WARS1: variants seen among roughly 807,000 people sequenced by gnomAD.
WARS1 encodes tryptophanyl-tRNA synthetase 1.
Under a neutral mutation model 47.8 loss-of-function variants are expected in WARS1, and 17 were observed. The ratio of observed to expected loss-of-function variants is 0.36; its 90% CI spans 0.24 to 0.53. The LOEUF (loss-of-function observed/expected upper bound fraction) is 0.53, where lower values mean the gene tolerates loss of function less well. WARS1 is among the 20% of genes least tolerant of loss of function. The pLI is 0.91. For synonymous variants in WARS1, 208 were observed against 228.1 expected (o/e 0.91, Z 0.79); for missense variants, 434 against 608.0 (o/e 0.71, Z 3.01).
intron 10 of WARS1, among the ~76,000 whole-genome samples, chr14:100,336,044 G>C (rs1037658427): frequency 1.3e-5 from 2 of 151,848 alleles, no homozygotes; most frequent in African/African-American, 4.8e-5. Flanking sequence ...GGGAGGCCAA[G>C]GCGGGTGGAT....
At position 100,361,760 on chromosome 14, in the gene WARS1, T is replaced by C. The variant is rs768803049; in HGVS notation, c.261A>G (p.Pro87=). 3 of 1,614,152 alleles carry C rather than the reference T, an allele frequency of 1.9e-6. No individual in the cohort carries two copies. Among genetic ancestry groups the C allele is most frequent in the South Asian group, 2.2e-5 (2 of 91,086 alleles). The change falls in exon 3 of 11, where the codon CCA becomes CCG. Residue 87 remains proline, a synonymous_variant. Coordinates refer to ENST00000392882, the MANE Select transcript of WARS1 (RefSeq NM_004184.4). ...ATEAEEDFVD[P]WTVQTSSAKG... is the part of the protein sequence containing the mutation. ...TTGCACTGCTTGTCTGTACTGTCCA[T>C]GGGTCCACAAAATCCTCTTCAGCTT...
chr14:100,354,324 C>A (rs937886126), intron 5 of WARS1, 123 bp downstream of exon 5: 1 of 1,433,766 alleles, frequency 7.0e-7, no homozygotes, highest in Non-Finnish European at 9.3e-7. Flanking sequence ...AAAGTGCCAA[C>A]TCTTGACATC....
In WARS1 at chr14:100,361,824, T is replaced by A. The variant is rs750678493; in HGVS notation, c.197A>T (p.Asn66Ile). ...EDYKADCPPG[N>I]PAPTSNHGPD... ...GCCATGATTACTGGTAGGTGCTGGG[T>A]TCCCTGGAGGACAGTCAGCCTTGTA... The change falls in exon 3 of 11, where the codon AAC (asparagine) becomes ATC (isoleucine). Residue 66 changes from asparagine (N) to isoleucine (I), a missense_variant. By Grantham distance (149) the Asn-to-Ile change is moderately radical. Around this residue, in one of 2 missense-constraint regions of WARS1, gnomAD observed 87 missense variants for 84.2 expected, o/e 1.03. Coordinates refer to ENST00000392882, the MANE Select transcript of WARS1 (RefSeq NM_004184.4). 6.2e-7 allele frequency: 1 copy of A among 1,614,200 alleles called. No individual in the cohort carries two copies. The highest frequency in any genetic ancestry group is 1.1e-5 in the South Asian group (1 of 91,088).
chr14:100,366,200 TTC>T (rs1195646205), intron 2 of WARS1: 1 of 432,978 alleles, frequency 2.3e-6, no homozygotes. Flanking sequence ...AGCCCAGCCC[TTC>T]TCTCCCACTC....
At chr14:100,374,263 A>G (rs1349384737) in intron 1 of WARS1, 1 of 152,202 alleles carries the variant, frequency 6.6e-6, no homozygotes, top group African/African-American at 2.4e-5. Flanking sequence ...CAAATAGTAC[A>G]CTCTGAAACA....
At chr14:100,340,707 GA>G (rs1254122178) in intron 9 of WARS1, among the ~76,000 whole-genome samples, 1 of 152,068 alleles carries the variant, frequency 6.6e-6, no homozygotes, top group Non-Finnish European at 1.5e-5. Flanking sequence ...TGGAGATTCT[GA>G]TTTTGGAGCT....
chr14:100,345,006 T>A (rs1465606949), intron 7 of WARS1, among the ~76,000 whole-genome samples: 1 of 135,432 alleles, frequency 7.4e-6, no homozygotes, highest in South Asian at 2.5e-4. Flanking sequence ...AGTGGGGGGG[T>A]CAGCCCCCCG....
At chr14:100,338,153 T>C (rs1269587846) in intron 9 of WARS1, among the ~76,000 whole-genome samples, 1 of 152,078 alleles carries the variant, frequency 6.6e-6, no homozygotes, top group Non-Finnish European at 1.5e-5. Context: ...AGAAACACAA[T>C]GACTTTTAGG....
chr14:100,369,115 C>T lies in WARS1; in HGVS notation c.71G>A (p.Arg24Lys), dbSNP rs373707656. 11 of 1,569,784 alleles carry T rather than the reference C, an allele frequency of 7.0e-6. No individual in the cohort carries two copies. Among genetic ancestry groups the T allele is most frequent in the East Asian group, 2.3e-5 (1 of 43,146 alleles). ...NSIATQGELVRSLKAGNASKD... is the reference protein window; with the variant it reads ...NSIATQGELVKSLKAGNASKD... The stretch of plus-strand genomic sequence containing the variant: ...TGACGCATTTCCCGCTTTGAGGGAC[C>T]TTACGAGCTCCCCTTGTGTGGCGAT... The change falls in exon 2 of 11, where the codon AGG (arginine) becomes AAG (lysine). Residue 24 changes from arginine to lysine, a missense_variant. Physicochemically the swap from Arg to Lys is conservative, Grantham distance 26. Around this residue, in one of 2 missense-constraint regions of WARS1, gnomAD observed 87 missense variants for 84.2 expected, o/e 1.03. Transcript: ENST00000392882.
chr14:100,339,922 C>T (rs1595406738), intron 9 of WARS1: 1 of 152,372 alleles, frequency 6.6e-6, no homozygotes, highest in South Asian at 2.1e-4. Context: ...GCTGGCGTCA[C>T]CACCACCTGC....
At chr14:100,359,469 A>G (rs1422792612) in intron 4 of WARS1, among the ~76,000 whole-genome samples, 1 of 152,238 alleles carries the variant, frequency 6.6e-6, no homozygotes, top group Non-Finnish European at 1.5e-5. Context: ...AAATCTAGAT[A>G]TAGAGAAAGC....
chr14:100,337,700 A>AG (rs1893842166), intron 9 of WARS1, among the ~76,000 whole-genome samples: 1 of 150,922 alleles, frequency 6.6e-6, no homozygotes. Context: ...AAAAAAAAAA[A>AG]AAAAAGGAAT....
rs559042670 is a variant in WARS1 at position 100,346,453 on chromosome 14, G to A, written c.826+293C>T. ...CCACCAGAGCTGTTGGAACTCCAAA[G>A]TCATCCTTAGATTTTTCTTTCTTCT... On this transcript the variant is annotated intron_variant, in intron 7 of 10. Transcript: ENST00000392882. Among the ~76,000 whole-genome samples, 17 of 152,318 alleles carry A rather than the reference G, an allele frequency of 1.1e-4. No individual in the cohort carries two copies. The South Asian group carries it at 3.1e-3, about 28-fold the overall frequency.
chr14:100,352,702 AGAGACCACGCCTTAGGG>A (rs1895074993), intron 6 of WARS1, among the ~76,000 whole-genome samples: 1 of 152,072 alleles, frequency 6.6e-6, no homozygotes, highest in Admixed American at 6.5e-5. Flanking sequence ...ATGCCTTAGG[AGAGACCACGCCTTAGGG>A]GAGTACTATG....
chr14:100,343,368 G>T lies in WARS1; in HGVS notation c.846C>A (p.Ala282=). 1 of 1,612,804 alleles carries T rather than the reference G, an allele frequency of 6.2e-7. No homozygotes were observed. The highest frequency in any genetic ancestry group is 1.1e-5 in the South Asian group (1 of 90,990). The change falls in exon 8 of 11, where the codon GCC becomes GCA. Residue 282 remains alanine, a synonymous_variant. Coordinates refer to ENST00000392882, the MANE Select transcript of WARS1 (RefSeq NM_004184.4). ...SDCIGKISFP[A]IQAAPSFSNS... is the part of the protein sequence containing the mutation. ...TGCTGAAGGAGGGAGCAGCCTGGAT[G>T]GCAGGAAAACTGATCTTCCCTGAAA... is the stretch of plus-strand genomic sequence containing the variant.
At chr14:100,359,516 G>A (rs1488273016) in intron 4 of WARS1, among the ~76,000 whole-genome samples, 1 of 152,172 alleles carries the variant, frequency 6.6e-6, no homozygotes, top group Non-Finnish European at 1.5e-5. Context: ...AGAAATGGGG[G>A]ATGACTGTTA....
At chr14:100,374,329 C>T (rs913927380) in intron 1 of WARS1, 6 of 152,132 alleles carry the variant, frequency 3.9e-5, no homozygotes, top group Admixed American at 3.9e-4. Context: ...AACAAAAGTA[C>T]TGGGCGTGTA....
At position 100,373,296 on chromosome 14, in the gene WARS1, C is replaced by T. The variant is rs750088963; in HGVS notation, c.-74+1987G>A. ...GGACTTTAGATGGCCTCTTGTTTAA[C>T]GTCCTGGTACTGAGTTGAGCTTTCC... On this transcript the variant is annotated intron_variant, in intron 1 of 10. Coordinates refer to ENST00000392882, the MANE Select transcript of WARS1 (RefSeq NM_004184.4). The surrounding 1 kb of genome is among the most constrained non-coding windows in gnomAD (Gnocchi z 4.4). 7.2e-5 allele frequency among the ~76,000 whole-genome samples: 11 copies of T among 152,176 alleles called. No individual in the cohort carries two copies. Among genetic ancestry groups the T allele is most frequent in the South Asian group, 6.2e-4 (3 of 4,826 alleles).
At chr14:100,370,827 C>T (rs1896304079) in intron 1 of WARS1, among the ~76,000 whole-genome samples, 1 of 151,816 alleles carries the variant, frequency 6.6e-6, no homozygotes, top group African/African-American at 2.4e-5. Context: ...CCTGTAATCC[C>T]AGCTACTTGG....
Sources: allele counts gnomAD v4.1 joint callset (sites outside exome capture counted in the v4.1 genomes callset), GRCh38; gene constraint gnomAD v4.1.1; regional missense constraint gnomAD v4.1.1; non-coding constraint Gnocchi (gnomAD v3.1); transcripts MANE v1.5; gene names NCBI Gene and HGNC (gene_info 2026-07-23, HGNC 2026-07-21).